Variants in GALNT17 observed in about 807,000 individuals in gnomAD.
GALNT17 encodes the protein UDP-GalNAc:polypeptide N-acetylgalactosaminyltransferase-like 3.
GALNT17 carries 29 observed loss-of-function variants against 63.7 expected under a neutral mutation model. The observed-to-expected ratio is 0.46, with a 90% CI of 0.34 to 0.62. GALNT17 has a LOEUF of 0.62. GALNT17 is among the 20% of genes least tolerant of loss of function. GALNT17 has a pLI of 0.01. For synonymous variants in GALNT17, 305 were observed against 318.3 expected, an observed-to-expected ratio of 0.96 and a Z score of 0.45; for missense variants, 603 against 799.6, an observed-to-expected ratio of 0.75 and a Z score of 2.97.
chr7:71,232,184 C>G, intron 1 of GALNT17, among the ~76,000 whole-genome samples: 1 of 152,160 alleles, frequency 6.6e-6, no homozygotes, highest in Non-Finnish European at 1.5e-5. Context: ...TGTGTGGATG[C>G]GCAGTCCTTC....
At chr7:71,514,639 G>A (rs4323380) in intron 5 of GALNT17, among the ~76,000 whole-genome samples, 152,245 of 152,336 alleles carry the variant, frequency 1, 76,077 homozygotes, top group Non-Finnish European at 1. Flanking sequence ...AATCTAGTTT[G>A]TCTTTCTGAA....
chr7:71,458,946 T>C (rs1787404121), intron 5 of GALNT17, among the ~76,000 whole-genome samples: 1 of 152,146 alleles, frequency 6.6e-6, no homozygotes, highest in Admixed American at 6.5e-5. Flanking sequence ...GAATGGCTGT[T>C]CCCATTTAGG....
intron 9 of GALNT17, among the ~76,000 whole-genome samples, chr7:71,678,865 G>A (rs918085082): frequency 2.0e-5 from 3 of 151,162 alleles, no homozygotes. Flanking sequence ...GGCTGAGGCA[G>A]GAGAATCACT....
intron 5 of GALNT17, among the ~76,000 whole-genome samples, chr7:71,531,478 T>A (rs1162699834): frequency 6.6e-6 from 1 of 152,216 alleles, no homozygotes; most frequent in Non-Finnish European, 1.5e-5. Context: ...GCACACATAC[T>A]AGTAGTAGTA....
At chr7:71,459,592 CTG>C (rs1787416240) in intron 5 of GALNT17, among the ~76,000 whole-genome samples, 1 of 152,168 alleles carries the variant, frequency 6.6e-6, no homozygotes, top group African/African-American at 2.4e-5. Flanking sequence ...CAGTCTGACT[CTG>C]GCATAACACA....
intron 3 of GALNT17, among the ~76,000 whole-genome samples, chr7:71,401,219 C>T (rs1488449367): frequency 6.6e-6 from 1 of 151,850 alleles, no homozygotes; most frequent in Non-Finnish European, 1.5e-5. Flanking sequence ...GCCTCAGCCT[C>T]CCGAGTAGCT....
chr7:71,690,019 C>CTTT (rs36049127), intron 9 of GALNT17, among the ~76,000 whole-genome samples: 26 of 142,862 alleles, frequency 1.8e-4, no homozygotes, highest in Admixed American at 2.1e-4. Flanking sequence ...TACTGAATAT[C>CTTT]TTTTTTTTTT....
chr7:71,396,395 T>A (rs908385614), intron 3 of GALNT17, among the ~76,000 whole-genome samples: 1 of 152,168 alleles, frequency 6.6e-6, no homozygotes, highest in African/African-American at 2.4e-5. Flanking sequence ...CATTGAATGG[T>A]TATGTCACCC....
chr7:71,248,073 AG>A (rs1790132068), intron 1 of GALNT17, among the ~76,000 whole-genome samples: 1 of 152,206 alleles, frequency 6.6e-6, no homozygotes, highest in Admixed American at 6.5e-5. Context: ...TATAAAGGAA[AG>A]AGGTTTAATT....
intron 6 of GALNT17, among the ~76,000 whole-genome samples, chr7:71,600,397 T>C (rs1242354430): frequency 1.9e-5 from 2 of 103,146 alleles, no homozygotes; most frequent in East Asian, 2.1e-4. Context: ...AGAGGGTACA[T>C]TGGGAGGATC....
chr7:71,564,914 T>C (rs1212067138), intron 5 of GALNT17, among the ~76,000 whole-genome samples: 1 of 152,168 alleles, frequency 6.6e-6, no homozygotes, highest in African/African-American at 2.4e-5. Context: ...GCTGCGAAGC[T>C]TTCTCTCATT....
intron 1 of GALNT17, among the ~76,000 whole-genome samples, chr7:71,333,377 T>C (rs76961641): frequency 0.014 from 2,175 of 152,310 alleles, 27 homozygotes; most frequent in Middle Eastern, 0.027. Flanking sequence ...GGAGATACTA[T>C]ATTTTGTTTC....
chr7:71,466,177 C>T (rs1787532001), intron 5 of GALNT17, among the ~76,000 whole-genome samples: 1 of 152,092 alleles, frequency 6.6e-6, no homozygotes, highest in South Asian at 2.1e-4. Context: ...TTTGATTTTG[C>T]AAATCAAAAA....
intron 1 of GALNT17, among the ~76,000 whole-genome samples, chr7:71,193,472 T>TTTTAC (rs2116344890): frequency 6.6e-6 from 1 of 151,066 alleles, no homozygotes; most frequent in East Asian, 1.9e-4. Context: ...TTTTTTTTTT[T>TTTTAC]TTGGTGTAAA....
chr7:71,589,273 A>C (rs1227627692), intron 6 of GALNT17, among the ~76,000 whole-genome samples: 2 of 152,204 alleles, frequency 1.3e-5, no homozygotes, highest in African/African-American at 4.8e-5. Flanking sequence ...AATGGGACAA[A>C]GGAGAACTTA....
At chr7:71,493,553 A>G (rs1338246372) in intron 5 of GALNT17, among the ~76,000 whole-genome samples, 3 of 152,206 alleles carry the variant, frequency 2.0e-5, no homozygotes, top group African/African-American at 7.2e-5. Flanking sequence ...TGGGAGCCAC[A>G]TGAAAGGGAA....
At chr7:71,353,096 G>A (rs189710016) in intron 2 of GALNT17, among the ~76,000 whole-genome samples, 192 of 150,390 alleles carry the variant, frequency 1.3e-3, no homozygotes, top group Admixed American at 6.1e-3. Flanking sequence ...GGGGGGTGGG[G>A]GTCAAAGGAG....
intron 5 of GALNT17, among the ~76,000 whole-genome samples, chr7:71,489,281 G>A (rs374117320): frequency 1.2e-3 from 180 of 152,226 alleles, no homozygotes; most frequent in African/African-American, 4.2e-3. Context: ...GGGTCAGCCG[G>A]ACACCTACAC....
chr7:71,520,289 C>T (rs762960530), intron 5 of GALNT17, among the ~76,000 whole-genome samples: 1 of 151,994 alleles, frequency 6.6e-6, no homozygotes, highest in Non-Finnish European at 1.5e-5. Context: ...TTTGGGAGGC[C>T]GAGGTGAGCG....
Sources: gnomAD v4.1 joint callset for allele counts (sites outside exome capture counted in the v4.1 genomes callset) on GRCh38, gnomAD v4.1.1 for gene constraint, MANE v1.5 for transcripts, NCBI Gene and HGNC (gene_info 2026-07-23, HGNC 2026-07-21) for gene names.